Variants in AOX1 observed in about 807,000 individuals in gnomAD.
AOX1 encodes the protein aldehyde oxidase.
AOX1 carries 153 observed loss-of-function variants against 169.5 expected under a neutral mutation model. The ratio of observed to expected loss-of-function variants is 0.90; its 90% CI spans 0.79 to 1.03. The LOEUF is 1.03. AOX1 is among the 50% of genes least tolerant of loss of function. The probability of loss-of-function intolerance (pLI) is 0.00; values close to 1 mark genes in which losing one functional copy is unlikely to be tolerated. For missense variants in AOX1, 1,656 were observed against 1,663.9 expected, an observed-to-expected ratio of 1.00 and a Z score of 0.08; for synonymous variants, 562 against 581.9, an observed-to-expected ratio of 0.97 and a Z score of 0.49.
intron 25 of AOX1, among the ~76,000 whole-genome samples, chr2:200,647,875 A>G (rs886553761): frequency 5.3e-5 from 8 of 152,118 alleles, no homozygotes; most frequent in African/African-American, 1.9e-4. Flanking sequence ...GTTTAATTCT[A>G]CTACTGAGAC....
Position 200,599,719 on chromosome 2 carries a change from C to A in AOX1, c.409C>A (p.Leu137Met), listed in dbSNP as rs1468887478. The A allele has an allele frequency of 1.9e-6, 3 of 1,606,388 alleles. No homozygotes were observed. In the Admixed American group the frequency reaches 5.0e-5, roughly 27 times the overall value. Residue 137 changes from leucine (L) to methionine (M), a missense_variant, in exon 5 of 35, where the codon CTG (leucine) becomes ATG (methionine). Transcript: ENST00000374700. ...TLLRNHPEPT[L>M]DQLTDALGGN... ...GCTCAGGAACCACCCAGAGCCCACT[C>A]TGGATCAGTTAACTGATGCCCTTGG... is the stretch of plus-strand genomic sequence containing the variant.
intron 10 of AOX1, among the ~76,000 whole-genome samples, chr2:200,606,665 T>G (rs2034522511): frequency 6.6e-6 from 1 of 152,182 alleles, no homozygotes; most frequent in South Asian, 2.1e-4. Context: ...CCTTAAGCAG[T>G]GGTTGGTAGT....
At position 200,604,786 on chromosome 2, in the gene AOX1, G is replaced by A. The variant is rs767296439; in HGVS notation, c.760G>A (p.Glu254Lys). The part of the protein sequence containing the change: ...FSPVTLKELL[E>K]FKFKYPQAPV... ...CCCCGTGACCCTGAAGGAACTGCTGGAATTTAAATTCAAGTATCCCCAGGC... is the reference window on the plus strand; with the variant it reads ...CCCCGTGACCCTGAAGGAACTGCTGAAATTTAAATTCAAGTATCCCCAGGC... Residue 254 changes from glutamate (E) to lysine (K), a missense_variant, in exon 9 of 35, where the codon GAA becomes AAA. Glu to Lys is a moderately conservative substitution (Grantham distance 56). Coordinates refer to ENST00000374700, the MANE Select transcript of AOX1 (RefSeq NM_001159.4). 1 of 1,610,492 alleles carries A rather than the reference G, an allele frequency of 6.2e-7. No individual in the cohort carries two copies. The highest frequency in any genetic ancestry group is 8.5e-7 in the Non-Finnish European group (1 of 1,177,732).
At chr2:200,679,038 T>C (rs2036132749), downstream of AOX1, among the ~76,000 whole-genome samples, 1 of 152,214 alleles carries the variant, frequency 6.6e-6, no homozygotes, top group South Asian at 2.1e-4. Context: ...AGAAACCATT[T>C]CAATTCCTGA....
chr2:200,661,957 G>A (rs560392199), intron 30 of AOX1, among the ~76,000 whole-genome samples: 1 of 152,052 alleles, frequency 6.6e-6, no homozygotes, highest in Admixed American at 6.6e-5. Context: ...TTGAAAACAC[G>A]ATCTATCTCT....
In AOX1 at chr2:200,605,523, T is replaced by C; in HGVS notation, c.815-13T>C. On this transcript the variant is annotated splice_polypyrimidine_tract_variant and intron_variant, in intron 9 of 34. Transcript: ENST00000374700. ...CTAGTCTTATTGATTTTTTTTTTTT[T>C]TTGATCCTTTAGGGCCTGAAGTGAA... is the stretch of plus-strand genomic sequence containing the variant. 7.4e-7 allele frequency: 1 copy of C among 1,353,800 alleles called. No individual in the cohort carries two copies. 83.9% of individuals were successfully genotyped at this position (1,353,800 alleles called of 1,614,324 possible).
At chr2:200,662,495 A>G (rs575219935) in intron 30 of AOX1, among the ~76,000 whole-genome samples, 1 of 152,156 alleles carries the variant, frequency 6.6e-6, no homozygotes. Context: ...AAAGCAGGCA[A>G]GCATGCACCT....
intron 5 of AOX1, among the ~76,000 whole-genome samples, chr2:200,601,876 T>C (rs1282993413): frequency 3.3e-5 from 5 of 151,976 alleles, no homozygotes; most frequent in South Asian, 2.1e-4. Context: ...GAAGTTGCAA[T>C]GAGCTGAGAC....
In AOX1 at chr2:200,603,352, GT is replaced by G; in HGVS notation, c.585del (p.Ser195ArgfsTer22). On this transcript the variant is annotated frameshift_variant, in exon 7 of 35. Transcript: ENST00000374700. LOFTEE classifies it high-confidence loss of function. ...GGATTGCCAGAATTTGAGGAAGGAAGTAAGGTCAGTGAAATGTAAAGCTTTT... is the reference window on the plus strand; with the variant it reads ...GGATTGCCAGAATTTGAGGAAGGAAGAAGGTCAGTGAAATGTAAAGCTTTT... Reference protein sequence around the residue: ...INGLPEFEEGSKTSPKLFAEE... With the variant: ...INGLPEFEEGXKTSPKLFAEE... 1 of 1,612,322 alleles carries G rather than the reference GT, an allele frequency of 6.2e-7. No individual in the cohort carries two copies. The highest frequency in any genetic ancestry group is 8.5e-7 in the Non-Finnish European group (1 of 1,178,488).
At position 200,660,945 on chromosome 2, in the gene AOX1, G is replaced by C. The variant is rs3769834; in HGVS notation, c.3376-634G>C. 1.2e-3 allele frequency among the ~76,000 whole-genome samples: 181 copies of C among 152,296 alleles called. 1 individual carries two copies. The East Asian group carries it at 0.018, about 15-fold the overall frequency. ...AAGCTGGAGAGAGGTGCAGCATGGA[G>C]AGTAGTACTCCACCACCATGAGATG... On this transcript the variant is annotated intron_variant, in intron 29 of 34. Coordinates refer to ENST00000374700, the MANE Select transcript of AOX1 (RefSeq NM_001159.4).
intron 10 of AOX1, 118 bp from the exon 11 acceptor site, chr2:200,608,866 C>G: frequency 1.2e-6 from 1 of 865,586 alleles, no homozygotes; most frequent in Non-Finnish European, 1.8e-6. Context: ...CCACCATCAC[C>G]AATAAGCAGG....
chr2:200,644,597 G>A (rs940605629), intron 25 of AOX1, among the ~76,000 whole-genome samples: 1 of 152,096 alleles, frequency 6.6e-6, no homozygotes, highest in Non-Finnish European at 1.5e-5. Flanking sequence ...AACAATGGTG[G>A]TATTTTGATG....
rs771399918 is a variant in AOX1 at position 200,669,610 on chromosome 2, C to T, written c.3834C>T (p.Ser1278=). 12 of 1,613,592 alleles carry T rather than the reference C, an allele frequency of 7.4e-6. No homozygotes were observed. In the Admixed American group the frequency reaches 8.3e-5, roughly 11 times the overall value. The change falls in exon 34 of 35, where the codon TCC becomes TCT. Residue 1278 remains serine, a synonymous_variant. Transcript: ENST00000374700. ...AGTCGGGGGTGTTCCTGGGGTGTTCCGTGTTTTTCGCTATCCATGACGCAG... is the reference window on the plus strand; with the variant it reads ...AGTCGGGGGTGTTCCTGGGGTGTTCTGTGTTTTTCGCTATCCATGACGCAG... The part of the protein sequence containing the change: ...LGESGVFLGC[S]VFFAIHDAVS...
At chr2:200,623,680 A>G (rs1216403053) in intron 18 of AOX1, among the ~76,000 whole-genome samples, 181 bp from the exon 19 acceptor site, 1 of 152,218 alleles carries the variant, frequency 6.6e-6, no homozygotes, top group Non-Finnish European at 1.5e-5. Flanking sequence ...AACTTCCCCC[A>G]GTGCCTCGGA....
At chr2:200,658,734 C>T (rs2035745495) in intron 27 of AOX1, among the ~76,000 whole-genome samples, 1 of 152,082 alleles carries the variant, frequency 6.6e-6, no homozygotes, top group African/African-American at 2.4e-5. Flanking sequence ...CGTCCTTTCT[C>T]ATAGGAAGCA....
Position 200,623,978 on chromosome 2 carries a change from A to G in AOX1, c.2119A>G (p.Ile707Val), listed in dbSNP as rs774046310. The G allele has an allele frequency of 5.0e-6, 8 of 1,614,082 alleles. No homozygotes were observed. The highest frequency in any genetic ancestry group is 2.2e-5 in the East Asian group (1 of 44,878). ...AGACTTGGAGCCGCTGATACTAACA[A>G]TTGAGGTAATGAGTTCTGTGGAATG... ...YQDLEPLILT[I>V]EESIQHNSSF... Residue 707 changes from isoleucine (I) to valine (V), a missense_variant, in exon 19 of 35, where the codon ATT (isoleucine) becomes GTT (valine). Physicochemically the swap from Ile to Val is conservative, Grantham distance 29. Transcript: ENST00000374700.
chr2:200,624,936 G>A (rs1015603864), intron 19 of AOX1, among the ~76,000 whole-genome samples: 1 of 152,122 alleles, frequency 6.6e-6, no homozygotes, highest in African/African-American at 2.4e-5. Flanking sequence ...CTGGGTGACC[G>A]GCATGGCCTG....
Position 200,634,909 on chromosome 2 carries a change from T to A in AOX1, c.2340T>A (p.Tyr780Ter). The change falls in exon 21 of 35, where the codon TAT becomes TAA. Residue 780 changes from tyrosine (Y) to a stop codon, truncating the protein, a stop_gained. Transcript: ENST00000374700. LOFTEE classifies it high-confidence loss of function. ...DVYVSTQFPK[Y>*]IQDIVASTLK... Reference sequence around the variant, plus strand: ...ACGTGTCCACACAGTTTCCCAAATATATACAGGTAACATGGGGCCATTGTG... The same window carrying A: ...ACGTGTCCACACAGTTTCCCAAATAAATACAGGTAACATGGGGCCATTGTG... 1 of 1,614,008 alleles carries A rather than the reference T, an allele frequency of 6.2e-7. No individual in the cohort carries two copies. The highest frequency in any genetic ancestry group is 8.5e-7 in the Non-Finnish European group (1 of 1,179,914).
At chr2:200,617,908 G>A (rs1314060246) in intron 16 of AOX1, among the ~76,000 whole-genome samples, 1 of 152,130 alleles carries the variant, frequency 6.6e-6, no homozygotes, top group Non-Finnish European at 1.5e-5. Context: ...ACACCTGGTA[G>A]AACCTCATTG....
Sources: gnomAD v4.1 joint callset for allele counts (sites outside exome capture counted in the v4.1 genomes callset) on GRCh38, gnomAD v4.1.1 for gene constraint, MANE v1.5 for transcripts, NCBI Gene and HGNC (gene_info 2026-07-23, HGNC 2026-07-21) for gene names.